Variants in MTCL1 observed in about 807,000 individuals in gnomAD.
MTCL1 encodes microtubule crosslinking factor 1.
MTCL1 carries 79 observed loss-of-function variants against 141.4 expected under a neutral mutation model. The observed-to-expected ratio is 0.56, with a 90% CI of 0.47 to 0.67. MTCL1 has a LOEUF of 0.67. MTCL1 is among the 30% of genes least tolerant of loss of function. The pLI is 0.00. For synonymous variants in MTCL1, 914 were observed against 875.8 expected, an observed-to-expected ratio of 1.04 and a Z score of -0.77; for missense variants, 2,177 against 2,113.9, an observed-to-expected ratio of 1.03 and a Z score of -0.59.
rs2096523853 is a variant in MTCL1 at position 8,779,088 on chromosome 18, G to A, written c.417+1196G>A. ...TGCAGGCCCGCAACCAAAACCCAAA[G>A]GAAGCTGGCGCCCCGGCGCAAGGTA... On this transcript the variant is annotated intron_variant, in intron 5 of 16. Transcript: ENST00000359865. The surrounding 1 kb of genome is among the most constrained non-coding windows in gnomAD (Gnocchi z 4.1). Among the ~76,000 whole-genome samples the A allele has an allele frequency of 6.6e-6, 1 of 152,248 alleles. No homozygotes were observed. Among genetic ancestry groups the A allele is most frequent in the Non-Finnish European group, 1.5e-5 (1 of 68,038 alleles).
chr18:8,720,203 A>G (rs2096160151), intron 3 of MTCL1, 135 bp from the exon 3 acceptor site: 3 of 767,634 alleles, frequency 3.9e-6, no homozygotes, highest in South Asian at 3.9e-5. Context: ...ACAATAAGTC[A>G]GTTGTGTATT....
chr18:8,784,647 T>C (rs1242965922), exon 6 of MTCL1: 3 of 1,613,970 alleles, frequency 1.9e-6, no homozygotes, highest in Non-Finnish European at 2.5e-6. Context: ...CCCCAGCTGC[T>C]GGGGACCATC....
intron 4 of MTCL1, among the ~76,000 whole-genome samples, chr18:8,729,366 A>G (rs759033521): frequency 6.6e-6 from 1 of 151,340 alleles, no homozygotes; most frequent in Non-Finnish European, 1.5e-5. Flanking sequence ...ATTTTTTTTC[A>G]TTGTTGAGTT....
At chr18:8,785,698 A>AC in intron 6 of MTCL1, 1 of 546,136 alleles carries the variant, frequency 1.8e-6, no homozygotes. Context: ...AGATGTGTCC[A>AC]CCCGCCCCTT....
intron 4 of MTCL1, among the ~76,000 whole-genome samples, chr18:8,726,496 C>T (rs79052994): frequency 2.2e-5 from 2 of 91,532 alleles, no homozygotes; most frequent in Non-Finnish European, 4.9e-5. Flanking sequence ...AGAGAGAGAG[C>T]GCGCGCGCGC....
chr18:8,731,458 C>T (rs998835973), intron 4 of MTCL1, among the ~76,000 whole-genome samples: 3 of 151,302 alleles, frequency 2.0e-5, no homozygotes, highest in Admixed American at 6.6e-5. Context: ...TCTGTAATCC[C>T]AGCTACTCAG....
At chr18:8,710,457 C>CTTTTTTTTTTTTT (rs59830434) in intron 1 of MTCL1, among the ~76,000 whole-genome samples, 1 of 121,818 alleles carries the variant, frequency 8.2e-6, no homozygotes, top group Non-Finnish European at 1.7e-5. Flanking sequence ...CAGGCACTTT[C>CTTTTTTTTTTTTT]TTTTTTTTTT....
intron 6 of MTCL1, chr18:8,785,702 G>A (rs751315288): frequency 1.3e-4 from 71 of 545,636 alleles, no homozygotes; most frequent in Middle Eastern, 4.9e-4. Context: ...GTGTCCACCC[G>A]CCCCTTTGCT....
chr18:8,768,103 T>G (rs2096467593), intron 4 of MTCL1, among the ~76,000 whole-genome samples: 1 of 152,186 alleles, frequency 6.6e-6, no homozygotes, highest in Non-Finnish European at 1.5e-5. Context: ...ATTTTGAAAA[T>G]TTTCAAACAG....
At chr18:8,781,179 C>CAAAAAAAA (rs56370900) in intron 5 of MTCL1, among the ~76,000 whole-genome samples, 5 of 67,398 alleles carry the variant, frequency 7.4e-5, no homozygotes, top group Non-Finnish European at 1.1e-4. Context: ...GACTCCATCT[C>CAAAAAAAA]AAAAAAAAAA....
At chr18:8,746,734 A>G (rs1223017885) in intron 4 of MTCL1, among the ~76,000 whole-genome samples, 1 of 152,138 alleles carries the variant, frequency 6.6e-6, no homozygotes, top group Admixed American at 6.5e-5. Context: ...GGTCTCCACA[A>G]TGTGCCAGAG....
At chr18:8,798,022 T>G in intron 9 of MTCL1, 75 bp from the exon 9 acceptor site, 1 of 1,422,480 alleles carries the variant, frequency 7.0e-7, no homozygotes, top group Non-Finnish European at 9.5e-7. Flanking sequence ...ATGGTTATCC[T>G]CAGACAGTGA....
At chr18:8,753,787 C>G (rs2096383702) in intron 4 of MTCL1, among the ~76,000 whole-genome samples, 1 of 152,132 alleles carries the variant, frequency 6.6e-6, no homozygotes, top group African/African-American at 2.4e-5. Context: ...ATGGTTCCAG[C>G]CTTGCATTCA....
intron 5 of MTCL1, among the ~76,000 whole-genome samples, chr18:8,782,977 C>T (rs945910807): frequency 6.6e-6 from 1 of 152,194 alleles, no homozygotes; most frequent in East Asian, 1.9e-4. Flanking sequence ...GCTGAGCTCT[C>T]ATTTGGGGTG....
chr18:8,732,425 TTTATC>T (rs1416230530), intron 4 of MTCL1, among the ~76,000 whole-genome samples: 5 of 152,172 alleles, frequency 3.3e-5, no homozygotes, highest in African/African-American at 1.2e-4. Flanking sequence ...TTAGGTAACT[TTTATC>T]TTCAAGTGCA....
intron 4 of MTCL1, among the ~76,000 whole-genome samples, chr18:8,774,979 G>A (rs1425675339): frequency 6.6e-6 from 1 of 152,094 alleles, no homozygotes; most frequent in Non-Finnish European, 1.5e-5. Flanking sequence ...GGGTAGGGGT[G>A]GCTAGAAGAG....
intron 4 of MTCL1, among the ~76,000 whole-genome samples, chr18:8,761,879 A>T (rs944012712): frequency 6.6e-6 from 1 of 152,238 alleles, no homozygotes; most frequent in Non-Finnish European, 1.5e-5. Context: ...TGGGAATTTA[A>T]GATGAGATTT....
intron 5 of MTCL1, among the ~76,000 whole-genome samples, chr18:8,781,772 C>T (rs2096533372): frequency 6.6e-6 from 1 of 152,118 alleles, no homozygotes; most frequent in African/African-American, 2.4e-5. Context: ...TGTGATGAGC[C>T]CAGGTCCCTT....
intron 4 of MTCL1, among the ~76,000 whole-genome samples, chr18:8,773,445 T>A (rs903262515): frequency 1.3e-5 from 2 of 152,256 alleles, no homozygotes; most frequent in Non-Finnish European, 2.9e-5. Flanking sequence ...TTTCTGTTGC[T>A]TGCAAGATAC....
Sources: allele counts gnomAD v4.1 joint callset (sites outside exome capture counted in the v4.1 genomes callset), GRCh38; gene constraint gnomAD v4.1.1; non-coding constraint Gnocchi (gnomAD v3.1); transcripts MANE v1.5; gene names NCBI Gene and HGNC (gene_info 2026-07-23, HGNC 2026-07-21).